The following PVT1 variants were observed in gnomAD, a reference collection of about 807,000 sequenced individuals.
PVT1 encodes CXCR4/PVT1 fusion.
chr8:127,905,524 TG>T, intron 3 of PVT1, among the ~76,000 whole-genome samples: 1 of 152,348 alleles, frequency 6.6e-6, no homozygotes, highest in African/African-American at 2.4e-5. Flanking sequence ...TCACATCCAT[TG>T]GTCATTTCTG....
chr8:127,987,929 G>A (rs1458923136), intron 3 of PVT1, among the ~76,000 whole-genome samples: 1 of 152,244 alleles, frequency 6.6e-6, no homozygotes, highest in East Asian at 1.9e-4. Context: ...ACTTTTCAGA[G>A]TAAGGGGGAA....
Position 127,975,590 on chromosome 8 carries a change from G to C in PVT1, n.783-13572G>C, listed in dbSNP as rs534155508. Among the ~76,000 whole-genome samples the C allele has an allele frequency of 3.3e-5, 5 of 152,252 alleles. No homozygotes were observed. The South Asian group carries it at 1.0e-3, about 32-fold the overall frequency. On this transcript the variant is annotated intron_variant and non_coding_transcript_variant, in intron 3 of 10. Coordinates refer to ENST00000651587, the Ensembl canonical transcript of PVT1. Reference sequence around the variant, plus strand: ...TGTATGAAATTCAGCTTAGCACACTGGCCCCTGAGTTTGAAGGCTGAGATT... The same window carrying C: ...TGTATGAAATTCAGCTTAGCACACTCGCCCCTGAGTTTGAAGGCTGAGATT...
chr8:127,952,986 G>T (rs10109391), intron 3 of PVT1, among the ~76,000 whole-genome samples: 29 of 151,902 alleles, frequency 1.9e-4, no homozygotes, highest in African/African-American at 4.1e-4. Context: ...GGATGGTCTC[G>T]ATCTCCTGCC....
At chr8:127,895,762 T>C (rs932867599) in intron 3 of PVT1, among the ~76,000 whole-genome samples, 1 of 152,240 alleles carries the variant, frequency 6.6e-6, no homozygotes, top group Non-Finnish European at 1.5e-5. Flanking sequence ...TATATTTGTA[T>C]CTAAAGTAAA....
chr8:127,859,394 G>A (rs1031844517), intron 2 of PVT1, among the ~76,000 whole-genome samples: 1 of 152,154 alleles, frequency 6.6e-6, no homozygotes. Context: ...AGATGAAGCA[G>A]CTTTCTCATA....
At position 127,827,474 on chromosome 8, in the gene PVT1, C is replaced by T. The variant is rs552874600; in HGVS notation, n.372+31403C>T. Among the ~76,000 whole-genome samples the T allele has an allele frequency of 2.0e-5, 3 of 152,312 alleles. No individual in the cohort carries two copies. In the South Asian group the frequency reaches 6.2e-4, roughly 32 times the overall value. ...CTGTATAGGGGAGCCATCAGCCTGA[C>T]TGAGCAGCCCTGAGGCTGGAGTTTT... is the stretch of plus-strand genomic sequence containing the variant. On this transcript the variant is annotated intron_variant and non_coding_transcript_variant, in intron 2 of 10. Coordinates refer to ENST00000651587, the Ensembl canonical transcript of PVT1.
intron 3 of PVT1, among the ~76,000 whole-genome samples, chr8:127,928,831 G>C (rs1044923881): frequency 6.6e-6 from 1 of 152,208 alleles, no homozygotes; most frequent in African/African-American, 2.4e-5. Flanking sequence ...AGCAGGGCTG[G>C]GTTGACCTTT....
chr8:127,971,383 C>A (rs950010228), intron 3 of PVT1, among the ~76,000 whole-genome samples: 2 of 152,236 alleles, frequency 1.3e-5, no homozygotes, highest in African/African-American at 4.8e-5. Flanking sequence ...GCCCACACTG[C>A]TTAGAGAGGT....
chr8:127,871,253 G>A (rs1364121121), intron 2 of PVT1, among the ~76,000 whole-genome samples: 1 of 152,216 alleles, frequency 6.6e-6, no homozygotes, highest in African/African-American at 2.4e-5. Flanking sequence ...CCACATTTTG[G>A]CCTGGAGTTA....
intron 3 of PVT1, among the ~76,000 whole-genome samples, chr8:127,977,385 T>G (rs1816833548): frequency 6.6e-6 from 1 of 152,138 alleles, no homozygotes; most frequent in African/African-American, 2.4e-5. Context: ...TAAGCCCCCA[T>G]CTGCTGCAGG....
At chr8:128,059,286 C>G (rs1479998026) in intron 4 of PVT1, among the ~76,000 whole-genome samples, 1 of 152,076 alleles carries the variant, frequency 6.6e-6, no homozygotes, top group African/African-American at 2.4e-5. Context: ...GGTGAATGCT[C>G]AGCCATTGTT....
chr8:127,937,548 GACACAC>G (rs35147410), intron 3 of PVT1, among the ~76,000 whole-genome samples: 30 of 122,690 alleles, frequency 2.4e-4, no homozygotes, highest in Admixed American at 6.8e-4. Context: ...TAGGGAAAAA[GACACAC>G]ACACACACAC....
At chr8:127,832,669 T>A in intron 2 of PVT1, among the ~76,000 whole-genome samples, 1 of 152,120 alleles carries the variant, frequency 6.6e-6, no homozygotes. Context: ...CCATCCTGGC[T>A]AACATGGTGA....
intron 4 of PVT1, among the ~76,000 whole-genome samples, chr8:128,035,634 G>T (rs920568076): frequency 6.6e-6 from 1 of 152,170 alleles, no homozygotes; most frequent in African/African-American, 2.4e-5. Context: ...TATCTCACAT[G>T]GCAAAAAGGA....
chr8:127,808,421 C>T (rs952942542), intron 2 of PVT1, among the ~76,000 whole-genome samples: 5 of 152,118 alleles, frequency 3.3e-5, no homozygotes, highest in Non-Finnish European at 7.4e-5. Flanking sequence ...GTGTGAAGGC[C>T]CTGAGGCTGC....
intron 4 of PVT1, among the ~76,000 whole-genome samples, chr8:128,061,141 C>T (rs1373148748): frequency 2.0e-5 from 3 of 152,220 alleles, no homozygotes; most frequent in Non-Finnish European, 4.4e-5. Context: ...AACTCCTGAC[C>T]TCAAGTGATC....
intron 3 of PVT1, among the ~76,000 whole-genome samples, chr8:127,900,553 T>A (rs1815746442): frequency 6.6e-6 from 1 of 152,198 alleles, no homozygotes; most frequent in Admixed American, 6.5e-5. Flanking sequence ...GTAGGTGACA[T>A]AACGTATAAG....
chr8:127,993,574 G>C (rs1255318850), intron 4 of PVT1, among the ~76,000 whole-genome samples: 1 of 152,234 alleles, frequency 6.6e-6, no homozygotes, highest in East Asian at 1.9e-4. Context: ...CCCCTGGATT[G>C]CAGGGTCTAG....
intron 3 of PVT1, among the ~76,000 whole-genome samples, chr8:127,909,710 G>C (rs1815868542): frequency 6.6e-6 from 1 of 152,172 alleles, no homozygotes; most frequent in Non-Finnish European, 1.5e-5. Context: ...TGGTGGTACA[G>C]GGTAGGGTGT....
Sources: allele counts gnomAD v4.1 joint callset (sites outside exome capture counted in the v4.1 genomes callset), GRCh38; gene constraint gnomAD v4.1.1; transcripts MANE v1.5; gene names NCBI Gene and HGNC (gene_info 2026-07-23, HGNC 2026-07-21).